The following SPEG variants were observed in gnomAD, a reference collection of about 807,000 sequenced individuals.
The protein encoded by SPEG is striated muscle enriched protein kinase.
In SPEG, 114 loss-of-function variants were observed where a neutral mutation model predicts 300.4. The ratio of observed to expected loss-of-function variants is 0.38; its 90% confidence interval spans 0.33 to 0.44. The LOEUF (loss-of-function observed/expected upper bound fraction) is 0.44, where lower values mean the gene tolerates loss of function less well. Among genes scored for constraint, SPEG ranks in the 20% least tolerant of loss-of-function variants. The pLI is 1.00. For missense variants in SPEG, 4,201 were observed against 4,586.2 expected (o/e 0.92, Z 2.43); for synonymous variants, 1,964 against 2,018.9 (o/e 0.97, Z 0.73).
rs1259651064 is a variant in SPEG, at chr2:219,469,016, A to G, written c.3459A>G (p.Val1153=). 1 of 1,613,542 alleles carries G rather than the reference A, an allele frequency of 6.2e-7. No individual in the cohort carries two copies. The highest frequency in any genetic ancestry group is 8.5e-7 in the Non-Finnish European group (1 of 1,179,876). ...CCCACTGCTCAGCCCAGCTGTATGT[A>G]GAAGAGCCCCGGACAGCCGCCTCAG... ...GQAHCSAQLY[V]EEPRTAASGP... is the part of the protein sequence containing the mutation. The change falls in exon 12 of 41, where the codon GTA becomes GTG. Residue 1153 remains valine, a synonymous_variant. Coordinates refer to ENST00000312358, the MANE Select transcript of SPEG (RefSeq NM_005876.5).
At position 219,434,885 on chromosome 2, in the gene SPEG, C is replaced by A; in HGVS notation, c.-93C>A. The stretch of plus-strand genomic sequence containing the variant: ...GGCGGGCAGCAGGAAGGCAGGCCGC[C>A]GGCCCCCCAGACTTGTCTCCTAGGG... On this transcript the variant is annotated 5_prime_UTR_variant, in exon 1 of 41. Coordinates refer to ENST00000312358, the MANE Select transcript of SPEG (RefSeq NM_005876.5). 2 of 840,414 alleles carry A rather than the reference C, an allele frequency of 2.4e-6. No individual in the cohort carries two copies. The highest frequency in any genetic ancestry group is 3.4e-6 in the Non-Finnish European group (2 of 582,602). 52.1% of individuals were successfully genotyped at this position (840,414 alleles called of 1,614,324 possible).
intron 32 of SPEG, 64 bp downstream of exon 32, chr2:219,488,374 G>T: frequency 6.6e-7 from 1 of 1,511,904 alleles, no homozygotes. Context: ...CAGGGGATGG[G>T]AGGGGCTAGG....
intron 31 of SPEG, among the ~76,000 whole-genome samples, chr2:219,486,100 C>A (rs1290416060): frequency 6.6e-6 from 1 of 152,248 alleles, no homozygotes; most frequent in Non-Finnish European, 1.5e-5. Flanking sequence ...ACCTGACTGC[C>A]CCTCCCTGAC....
intron 3 of SPEG, 114 bp from the exon 4 acceptor site, chr2:219,447,860 C>T: frequency 1.0e-6 from 1 of 958,132 alleles, no homozygotes. Flanking sequence ...GGATCTGGCC[C>T]ATGTCACCCC....
In SPEG at chr2:219,484,310, G is replaced by A. The variant is rs752390707; in HGVS notation, c.6847G>A (p.Ala2283Thr). 1 of 1,604,942 alleles carries A rather than the reference G, an allele frequency of 6.2e-7. No homozygotes were observed. Among genetic ancestry groups the A allele is most frequent in the Admixed American group, 1.7e-5 (1 of 59,640 alleles). The change falls in exon 30 of 41, where the codon GCC becomes ACC. Residue 2283 changes from alanine to threonine, a missense_variant. Ala to Thr is a moderately conservative substitution (Grantham distance 58, BLOSUM62 0). Around this residue, in one of 4 missense-constraint regions of SPEG, gnomAD observed 1,578 missense variants for 1,506.0 expected, o/e 1.05. Coordinates refer to ENST00000312358, the MANE Select transcript of SPEG (RefSeq NM_005876.5). ...KPHAAVFARV[A>T]SPPPGAPEKR... ...CCACGCTGCTGTCTTTGCCAGGGTG[G>A]CCTCCCCACCTCCGGGAGCCCCCGA...
At chr2:219,436,858 C>T (rs528789179) in intron 1 of SPEG, among the ~76,000 whole-genome samples, 28 of 152,192 alleles carry the variant, frequency 1.8e-4, no homozygotes, top group Admixed American at 4.6e-4. Flanking sequence ...CAGCTCTGGT[C>T]CCCCCAGGGG....
chr2:219,481,558 C>T lies in SPEG; in HGVS notation c.5523-80C>T. 6.2e-7 allele frequency: 1 copy of T among 1,605,596 alleles called. No homozygotes were observed. Among genetic ancestry groups the T allele is most frequent in the South Asian group, 1.1e-5 (1 of 90,814 alleles). On this transcript the variant is annotated intron_variant, in intron 27 of 40. Transcript: ENST00000312358. The surrounding 1 kb of genome is among the most constrained non-coding windows in gnomAD (Gnocchi z 5.4). Reference sequence around the variant, plus strand: ...CCCTCGACATGCAAGCCCCCAACTCCTTAGGAGCCCTGTTTGCTCAGTTAT... The same window carrying T: ...CCCTCGACATGCAAGCCCCCAACTCTTTAGGAGCCCTGTTTGCTCAGTTAT...
chr2:219,448,054 C>T lies in SPEG; in HGVS notation c.896C>T (p.Ala299Val), dbSNP rs765632931. Reference protein sequence around the residue: ...QLASEAPRRPAQPPPSKSALL... With the variant: ...QLASEAPRRPVQPPPSKSALL... ...GCCAGCGAAGCCCCACGCCGCCCTG[C>T]CCAGCCGCCTCCTTCCAAATCCGCG... Residue 299 changes from alanine to valine, a missense_variant, in exon 4 of 41, where the codon GCC (alanine) becomes GTC (valine). Ala to Val is a moderately conservative substitution (Grantham distance 64). Transcript: ENST00000312358. 5 of 1,611,478 alleles carry T rather than the reference C, an allele frequency of 3.1e-6. No individual in the cohort carries two copies. The South Asian group carries it at 5.5e-5, about 18-fold the overall frequency.
chr2:219,435,922 A>G (rs1232687826), intron 1 of SPEG, among the ~76,000 whole-genome samples: 3 of 152,180 alleles, frequency 2.0e-5, no homozygotes, highest in African/African-American at 4.8e-5. Context: ...AACAGGGTCC[A>G]GGGTAGGAGG....
chr2:219,484,694 C>A lies in SPEG; in HGVS notation c.7231C>A (p.Leu2411Met). ...GCCTGGCCTCGTCCGCCGCCTCTCG[C>A]TGTCACTGTCCCAGCGGCTGCGGCG... Reference protein sequence around the residue: ...GEPGLVRRLSLSLSQRLRRTP... With the variant: ...GEPGLVRRLSMSLSQRLRRTP... Residue 2411 changes from leucine (L) to methionine (M), a missense_variant, in exon 30 of 41, where the codon CTG becomes ATG. By Grantham distance (15) the Leu-to-Met change is conservative. Coordinates refer to ENST00000312358, the MANE Select transcript of SPEG (RefSeq NM_005876.5). 6.6e-7 allele frequency: 1 copy of A among 1,516,838 alleles called. No homozygotes were observed. Among genetic ancestry groups the A allele is most frequent in the South Asian group, 1.2e-5 (1 of 82,560 alleles). The allele number at this position is 1,516,838 out of a possible 1,614,324, so 94.0% of individuals were successfully genotyped here.
chr2:219,477,816 C>T lies in SPEG; in HGVS notation c.4826+31C>T. 1 of 1,592,160 alleles carries T rather than the reference C, an allele frequency of 6.3e-7. No homozygotes were observed. The highest frequency in any genetic ancestry group is 2.2e-5 in the East Asian group (1 of 44,594). ...GGGCTAGGAGGGAAGCCAGTGGGGG[C>T]CGAGAGAGGCTGCTGGGTCTGAGGG... On this transcript the variant is annotated intron_variant, in intron 21 of 40. Transcript: ENST00000312358. This position sits in a 1 kb window ranked among gnomAD's most constrained non-coding sequence, Gnocchi z 6.4.
In SPEG at chr2:219,480,837, A is replaced by T. The variant is rs548110344; in HGVS notation, c.5369+140A>T. ...AGGAGCCTCATGTGCATGAAGGTGG[A>T]CACCCCTGTCTGCATGCCCACACTC... On this transcript the variant is annotated intron_variant, in intron 26 of 40. Transcript: ENST00000312358. The surrounding 1 kb of genome is among the most constrained non-coding windows in gnomAD (Gnocchi z 5.3). The T allele has an allele frequency of 2.4e-6, 2 of 818,094 alleles. No homozygotes were observed. The highest frequency in any genetic ancestry group is 3.0e-5 in the South Asian group (2 of 66,668). The allele number at this position is 818,094 out of a possible 1,614,324, so 50.7% of individuals were successfully genotyped here.
In SPEG at chr2:219,448,718, G is replaced by T; in HGVS notation, c.1560G>T (p.Thr520=). ...GCTCGCACGAGTCCCTGCGCGCCAC[G>T]CTGCAGCGTGCCCCATCCCCTCGAG... ...LVRSHESLRA[T]LQRAPSPREP... The change falls in exon 4 of 41, where the codon ACG becomes ACT. Residue 520 remains threonine, a synonymous_variant. Transcript: ENST00000312358. 1.3e-6 allele frequency: 2 copies of T among 1,492,354 alleles called. No individual in the cohort carries two copies. The highest frequency in any genetic ancestry group is 1.8e-6 in the Non-Finnish European group (2 of 1,129,004). 92.4% of individuals were successfully genotyped at this position (1,492,354 alleles called of 1,614,324 possible).
intron 11 of SPEG, 30 bp downstream of exon 11, chr2:219,468,766 GC>G (rs746131327): frequency 9.3e-6 from 15 of 1,611,798 alleles, no homozygotes; most frequent in African/African-American, 5.3e-5. Flanking sequence ...GGTGTTGAGG[GC>G]CCCCCCAAGG....
rs755894644 is a variant in SPEG, at chr2:219,473,931, C to T, written c.4447+28C>T. 6.3e-7 allele frequency: 1 copy of T among 1,584,744 alleles called. No homozygotes were observed. Among genetic ancestry groups the T allele is most frequent in the East Asian group, 2.2e-5 (1 of 44,598 alleles). ...GGGTGACAGCGGGCCTTCTTCCTAG[C>T]CTCCCTCCAAGGCCCAAAGCTCTCT... On this transcript the variant is annotated intron_variant, in intron 18 of 40. Transcript: ENST00000312358. The surrounding 1 kb of genome is among the most constrained non-coding windows in gnomAD (Gnocchi z 4.6).
Position 219,488,781 on chromosome 2 carries a change from T to C in SPEG, c.8030T>C (p.Val2677Ala). 6.2e-7 allele frequency: 1 copy of C among 1,605,894 alleles called. No individual in the cohort carries two copies. Among genetic ancestry groups the C allele is most frequent in the South Asian group, 1.1e-5 (1 of 89,984 alleles). Residue 2677 changes from valine to alanine, a missense_variant, in exon 34 of 41, where the codon GTC (valine) becomes GCC (alanine). Transcript: ENST00000312358. ...GGACTCTTCTTTCTCTTGCCAGGAG[T>C]CCCAGGAAAGCTAGCTCCTCCAGAG... ...TSSCTVAVAR[V>A]PGKLAPPEVP...
intron 6 of SPEG, chr2:219,460,983 T>G (rs1690630133): frequency 1.0e-6 from 1 of 982,702 alleles, no homozygotes; most frequent in Non-Finnish European, 1.2e-6. Context: ...GGGGTCTGTG[T>G]GCAGAGCCTC....
At chr2:219,485,594 G>T (rs1693338385) in intron 31 of SPEG, 117 bp downstream of exon 31, 3 of 1,057,922 alleles carry the variant, frequency 2.8e-6, no homozygotes, top group South Asian at 1.8e-5. Flanking sequence ...AGTGGAAGGG[G>T]TCTGCTCAGA....
chr2:219,469,340 C>T lies in SPEG; in HGVS notation c.3676C>T (p.His1226Tyr), dbSNP rs1162592760. 13 of 1,613,858 alleles carry T rather than the reference C, an allele frequency of 8.1e-6. No homozygotes were observed. Among genetic ancestry groups the T allele is most frequent in the Non-Finnish European group, 1.1e-5 (13 of 1,179,962 alleles). The change falls in exon 13 of 41, where the codon CAC (histidine) becomes TAC (tyrosine). Residue 1226 changes from histidine to tyrosine, a missense_variant. Physicochemically the swap from His to Tyr is moderately conservative, Grantham distance 83 (BLOSUM62 2). Coordinates refer to ENST00000312358, the MANE Select transcript of SPEG (RefSeq NM_005876.5). ...CACCATCAGCTGGTTCCACAATGGC[C>T]ACCGCATCCAGAGCAGCGACGACCG... is the stretch of plus-strand genomic sequence containing the variant. ...YPTISWFHNG[H>Y]RIQSSDDRRM... is the part of the protein sequence containing the mutation.
Sources: gnomAD v4.1 joint callset for allele counts (sites outside exome capture counted in the v4.1 genomes callset) on GRCh38, gnomAD v4.1.1 for gene constraint, gnomAD v4.1.1 regional missense constraint, Gnocchi (gnomAD v3.1) non-coding constraint, MANE v1.5 for transcripts, NCBI Gene and HGNC (gene_info 2026-07-23, HGNC 2026-07-21) for gene names.